Variants in PDE4DIP observed in about 807,000 individuals in gnomAD.
PDE4DIP encodes the protein phosphodiesterase 4D interacting protein, also known as myomegalin.
A neutral mutation model predicts 221.4 loss-of-function variants in PDE4DIP; 59 were observed. The ratio of observed to expected loss-of-function variants is 0.27; its 90% CI spans 0.22 to 0.33. The LOEUF is 0.33. Ranked by LOEUF, PDE4DIP falls within the 10% of genes least tolerant of loss-of-function variation. The probability of loss-of-function intolerance (pLI) is 1.00; values close to 1 mark genes in which losing one functional copy is unlikely to be tolerated. For synonymous variants in PDE4DIP, 404 were observed against 815.9 expected (o/e 0.50, Z 8.60); for missense variants, 1,036 against 2,154.2 (o/e 0.48, Z 10.28).
chr1:148,907,031 A>C (rs2041994232), intron 1 of PDE4DIP, among the ~76,000 whole-genome samples: 1 of 151,538 alleles, frequency 6.6e-6, no homozygotes, highest in African/African-American at 2.4e-5. Context: ...CCTGGACTAC[A>C]AGAGTGAAAC....
chr1:149,016,327 A>G (rs1258503079), exon 33 of PDE4DIP: 24 of 1,612,876 alleles, frequency 1.5e-5, no homozygotes, highest in Non-Finnish European at 1.8e-5. Flanking sequence ...CTGCTTCCAC[A>G]GCTACATTGC....
rs2043001308 is a variant in PDE4DIP at position 148,912,705 on chromosome 1, GTTTA to G, written c.142-16489_142-16486del. 3.7e-5 allele frequency among the ~76,000 whole-genome samples: 2 copies of G among 54,780 alleles called. 1 individual carries two copies. Among genetic ancestry groups the G allele is most frequent in the Non-Finnish European group, 5.7e-5 (2 of 35,046 alleles). 35.9% of individuals were successfully genotyped at this position (54,780 alleles called of 152,430 possible). On this transcript the variant is annotated intron_variant, in intron 1 of 43. Transcript: ENST00000369354. The stretch of plus-strand genomic sequence containing the variant: ...CCATTGTATGAATATAATACAATTT[GTTTA>G]TTCATTCATTTGTTGATGAATGTAT...
chr1:148,967,523 A>AT (rs2058409807), intron 12 of PDE4DIP, among the ~76,000 whole-genome samples: 1 of 152,262 alleles, frequency 6.6e-6, no homozygotes, highest in South Asian at 2.1e-4. Flanking sequence ...CATATATTCT[A>AT]TATTTAATCT....
At chr1:148,937,193 C>T (rs1385323977) in intron 4 of PDE4DIP, among the ~76,000 whole-genome samples, 6 of 152,128 alleles carry the variant, frequency 3.9e-5, no homozygotes, top group African/African-American at 7.2e-5. Flanking sequence ...CCAGTATAAT[C>T]TTATTGGACC....
At chr1:148,954,244 CTT>C (rs11344031) in intron 5 of PDE4DIP, among the ~76,000 whole-genome samples, 1 of 150,126 alleles carries the variant, frequency 6.7e-6, no homozygotes. Flanking sequence ...CCTCTTACCT[CTT>C]TTTTTTTTCC....
At chr1:149,010,502 G>A (rs1209834093) in exon 31 of PDE4DIP, 15 of 1,610,734 alleles carry the variant, frequency 9.3e-6, no homozygotes, top group African/African-American at 1.3e-5. Flanking sequence ...ATCAACCAGT[G>A]CATCTCAGGG....
intron 1 of PDE4DIP, among the ~76,000 whole-genome samples, chr1:148,861,943 C>T (rs1399747049): frequency 4.4e-4 from 46 of 103,420 alleles, no homozygotes; most frequent in Non-Finnish European, 7.7e-4. Flanking sequence ...CCAGTCTTCC[C>T]ATTACTTCCC....
Position 148,892,508 on chromosome 1 carries a change from A to G in PDE4DIP, c.141+2614A>G, listed in dbSNP as rs1390260939. ...TGGAACACAGCCTATTGTCACATGC[A>G]GAGAGGACAACCCTTTTGCTGGACT... On this transcript the variant is annotated intron_variant, in intron 1 of 43. Transcript: ENST00000369354. Among the ~76,000 whole-genome samples the G allele has an allele frequency of 1.6e-5, 2 of 121,772 alleles. 1 individual carries two copies. Among genetic ancestry groups the G allele is most frequent in the Non-Finnish European group, 3.3e-5 (2 of 60,682 alleles). The allele number at this position is 121,772 out of a possible 152,430, so 79.9% of individuals were successfully genotyped here.
At chr1:148,946,230 G>A (rs2051673173) in intron 5 of PDE4DIP, among the ~76,000 whole-genome samples, 1 of 147,918 alleles carries the variant, frequency 6.8e-6, no homozygotes, top group African/African-American at 2.5e-5. Context: ...GGAATGCTAA[G>A]GGCTTAACCA....
At chr1:148,992,369 G>GC in intron 22 of PDE4DIP, 1 of 1,518,366 alleles carries the variant, frequency 6.6e-7, no homozygotes, top group Non-Finnish European at 8.8e-7. Context: ...GCTCGGGGAG[G>GC]TGGCAGGGCG....
chr1:148,847,930 G>A (rs1304287447), intron 1 of PDE4DIP, among the ~76,000 whole-genome samples: 1 of 39,246 alleles, frequency 2.5e-5, no homozygotes, highest in Non-Finnish European at 4.6e-5. Context: ...GTATCCAAAG[G>A]GAAGAACATA....
At chr1:148,976,853 G>A (rs1407533392) in intron 17 of PDE4DIP, among the ~76,000 whole-genome samples, 1 of 152,108 alleles carries the variant, frequency 6.6e-6, no homozygotes. Flanking sequence ...TAAAGGCCGA[G>A]TCAAGAGAAA....
chr1:148,981,163 C>T, intron 20 of PDE4DIP, 107 bp from the exon 24 acceptor site: 1 of 995,076 alleles, frequency 1.0e-6, no homozygotes, highest in Non-Finnish European at 1.5e-6. Context: ...AATTACTTTA[C>T]AAAGTCGTGT....
Position 149,032,221 on chromosome 1 carries a change from C to A in PDE4DIP, c.*236C>A, listed in dbSNP as rs2076930416. ...CTATGGAATACGATTAGCCAAGGTCCACTTGGCCCAGCACTAAGAAAAAGA... is the reference window on the plus strand; with the variant it reads ...CTATGGAATACGATTAGCCAAGGTCAACTTGGCCCAGCACTAAGAAAAAGA... On this transcript the variant is annotated 3_prime_UTR_variant, in exon 44 of 44. Transcript: ENST00000369354. 16 of 688,964 alleles carry A rather than the reference C, an allele frequency of 2.3e-5. No individual in the cohort carries two copies. The South Asian group carries it at 2.9e-4, about 13-fold the overall frequency. 42.7% of individuals were successfully genotyped at this position (688,964 alleles called of 1,614,324 possible). A position where few individuals can be genotyped will look rare whatever the true frequency, so the allele number is the denominator to read the frequency against.
rs782582075 is a variant in PDE4DIP at position 149,017,788 on chromosome 1, C to A, written c.5559C>A (p.Asn1853Lys). 20 of 1,608,426 alleles carry A rather than the reference C, an allele frequency of 1.2e-5. No homozygotes were observed. The East Asian group carries it at 1.6e-4, about 13-fold the overall frequency. ...AAGAGCATCTTGGTGAAATCCGGAA[C>A]CTGCGCCAGCGCCTGGAGGAATCCA... Residue 1853 changes from asparagine (N) to lysine (K), a missense_variant, in exon 34 of 44, where the codon AAC becomes AAA. Transcript: ENST00000369354.
chr1:148,996,299 AG>A (rs1359924604), intron 22 of PDE4DIP, among the ~76,000 whole-genome samples: 2 of 152,244 alleles, frequency 1.3e-5, no homozygotes, highest in Non-Finnish European at 2.9e-5. Flanking sequence ...GTTTTAGTTA[AG>A]TTACTCGGAA....
At chr1:149,006,853 A>G (rs1299690176) in intron 27 of PDE4DIP, among the ~76,000 whole-genome samples, 1 of 118,584 alleles carries the variant, frequency 8.4e-6, no homozygotes, top group Non-Finnish European at 1.7e-5. Flanking sequence ...GGCATGTGCC[A>G]CTATGCTCAG....
At chr1:148,859,792 TTGTGTGTGTGTGTGTGTGTG>T (rs3978545) in intron 1 of PDE4DIP, among the ~76,000 whole-genome samples, 1 of 113,074 alleles carries the variant, frequency 8.8e-6, no homozygotes, top group Non-Finnish European at 1.9e-5. Flanking sequence ...TATTACCACT[TTGTGTGTGTGTGTGTGTGTG>T]TGTGTGTGTG....
At chr1:148,877,095 C>A (rs1432637006) in intron 3 of PDE4DIP, among the ~76,000 whole-genome samples, 1 of 146,934 alleles carries the variant, frequency 6.8e-6, no homozygotes, top group African/African-American at 2.7e-5. Context: ...AATATTAGTA[C>A]TCAAGGTGAG....
Sources: gnomAD v4.1 joint callset for allele counts (sites outside exome capture counted in the v4.1 genomes callset) on GRCh38, gnomAD v4.1.1 for gene constraint, MANE v1.5 for transcripts, NCBI Gene and HGNC (gene_info 2026-07-23, HGNC 2026-07-21) for gene names.